Variants in RIMS2 observed in about 807,000 individuals in gnomAD.
The protein encoded by RIMS2 is regulating synaptic membrane exocytosis protein 2.
In RIMS2, 59 loss-of-function variants were observed where a neutral mutation model predicts 174.4. The observed-to-expected ratio is 0.34, with a 90% CI of 0.27 to 0.42. The LOEUF (loss-of-function observed/expected upper bound fraction) is 0.42. Among genes scored for constraint, RIMS2 ranks in the 10% least tolerant of loss-of-function variants. The pLI is 1.00. For missense variants in RIMS2, 1,620 were observed against 1,666.3 expected (o/e 0.97, Z 0.48); for synonymous variants, 606 against 572.5 (o/e 1.06, Z -0.84).
intron 10 of RIMS2, among the ~76,000 whole-genome samples, chr8:103,927,202 A>C (rs2078942190): frequency 6.6e-6 from 1 of 151,556 alleles, no homozygotes; most frequent in African/African-American, 2.4e-5. Context: ...AGTGATACAT[A>C]ATAAATATCT....
At chr8:103,544,493 A>T (rs1844037985) in intron 1 of RIMS2, among the ~76,000 whole-genome samples, 1 of 151,940 alleles carries the variant, frequency 6.6e-6, no homozygotes, top group South Asian at 2.1e-4. Context: ...GAGGGGAGCA[A>T]CCTCCTATTG....
intron 1 of RIMS2, among the ~76,000 whole-genome samples, chr8:103,605,915 C>A (rs1485791450): frequency 6.7e-6 from 1 of 149,216 alleles, no homozygotes; most frequent in African/African-American, 2.5e-5. Flanking sequence ...GTCTTGCTAG[C>A]AGTCTATCAA....
At chr8:103,850,667 A>G (rs2154492650) in intron 3 of RIMS2, among the ~76,000 whole-genome samples, 1 of 152,116 alleles carries the variant, frequency 6.6e-6, no homozygotes, top group South Asian at 2.1e-4. Context: ...ATGACTTTGT[A>G]CTTTTACCTT....
intron 14 of RIMS2, among the ~76,000 whole-genome samples, chr8:103,948,175 A>G (rs1479810525): frequency 2.0e-5 from 3 of 152,350 alleles, no homozygotes; most frequent in Non-Finnish European, 2.9e-5. Context: ...GTAATAAAAA[A>G]GAAAGATGAT....
At chr8:104,105,763 G>T (rs908529837) in intron 19 of RIMS2, among the ~76,000 whole-genome samples, 11 of 152,034 alleles carry the variant, frequency 7.2e-5, no homozygotes, top group African/African-American at 2.7e-4. Flanking sequence ...AGAAGGCTGG[G>T]CATGGTGGCT....
chr8:103,551,862 G>T (rs1848107661), intron 1 of RIMS2, among the ~76,000 whole-genome samples: 1 of 152,118 alleles, frequency 6.6e-6, no homozygotes, highest in Non-Finnish European at 1.5e-5. Context: ...TTGCTTCAAA[G>T]AGAATAAAAT....
At chr8:103,677,914 T>A (rs1307448394) in intron 1 of RIMS2, among the ~76,000 whole-genome samples, 1 of 152,232 alleles carries the variant, frequency 6.6e-6, no homozygotes, top group Non-Finnish European at 1.5e-5. Flanking sequence ...TCTGTATGTA[T>A]GTGTGTATGC....
intron 4 of RIMS2, among the ~76,000 whole-genome samples, chr8:103,896,162 C>T (rs1003783475): frequency 6.6e-6 from 1 of 151,502 alleles, no homozygotes; most frequent in African/African-American, 2.4e-5. Context: ...TCTGCTTCAC[C>T]CTTTGTTGGA....
intron 19 of RIMS2, among the ~76,000 whole-genome samples, chr8:104,114,308 T>A (rs544342454): frequency 6.6e-6 from 1 of 152,156 alleles, no homozygotes; most frequent in South Asian, 2.1e-4. Context: ...TTTCACTTGC[T>A]ATATACTAGT....
At chr8:103,900,843 C>G (rs1440852566) in intron 4 of RIMS2, among the ~76,000 whole-genome samples, 1 of 152,018 alleles carries the variant, frequency 6.6e-6, no homozygotes, top group Non-Finnish European at 1.5e-5. Context: ...TGGTTTAGAT[C>G]CAGAAACTAT....
At chr8:103,658,572 C>T (rs2096559258) in intron 1 of RIMS2, among the ~76,000 whole-genome samples, 1 of 152,064 alleles carries the variant, frequency 6.6e-6, no homozygotes, top group Non-Finnish European at 1.5e-5. Flanking sequence ...CTGGAAGCTT[C>T]TTAAGACTCC....
intron 23 of RIMS2, 35 bp from the exon 30 acceptor site, chr8:104,251,567 C>T (rs1399113302): frequency 9.2e-7 from 1 of 1,086,448 alleles, no homozygotes; most frequent in Admixed American, 1.7e-5. Context: ...TACACAGTTA[C>T]ACTGACATCA....
chr8:104,219,332 T>A (rs1158360545), intron 19 of RIMS2, among the ~76,000 whole-genome samples: 1 of 152,240 alleles, frequency 6.6e-6, no homozygotes, highest in Non-Finnish European at 1.5e-5. Flanking sequence ...TGTAATATGA[T>A]GTACAGGACA....
intron 3 of RIMS2, among the ~76,000 whole-genome samples, chr8:103,861,656 T>A (rs1475817363): frequency 6.6e-6 from 1 of 152,182 alleles, no homozygotes; most frequent in Non-Finnish European, 1.5e-5. Context: ...TTTTTGACTT[T>A]TTAATTATAA....
chr8:103,750,356 C>G (rs938273553), intron 2 of RIMS2, among the ~76,000 whole-genome samples: 1 of 152,110 alleles, frequency 6.6e-6, no homozygotes, highest in Non-Finnish European at 1.5e-5. Context: ...AATATACTAT[C>G]AGTTGACAGT....
intron 19 of RIMS2, among the ~76,000 whole-genome samples, chr8:104,155,846 C>T (rs13270802): frequency 0.26 from 39,344 of 151,944 alleles, 5,378 homozygotes; most frequent in South Asian, 0.43. Context: ...TCTTCATCAG[C>T]CCCCAATAAA....
intron 19 of RIMS2, among the ~76,000 whole-genome samples, chr8:104,027,696 A>G (rs1378022406): frequency 6.6e-6 from 1 of 152,206 alleles, no homozygotes; most frequent in Non-Finnish European, 1.5e-5. Context: ...AAATTGTAAC[A>G]TATTTCTCTC....
intron 3 of RIMS2, among the ~76,000 whole-genome samples, chr8:103,773,789 T>C (rs2098279809): frequency 6.6e-6 from 1 of 152,038 alleles, no homozygotes; most frequent in Non-Finnish European, 1.5e-5. Context: ...AATCCTACGA[T>C]TTAAAACAAC....
At chr8:103,882,410 G>A (rs985626683) in intron 3 of RIMS2, among the ~76,000 whole-genome samples, 25 of 151,616 alleles carry the variant, frequency 1.6e-4, no homozygotes, top group African/African-American at 6.0e-4. Flanking sequence ...ATAATTGATT[G>A]CAGGTTCTTC....
Sources: allele counts gnomAD v4.1 joint callset (sites outside exome capture counted in the v4.1 genomes callset), GRCh38; gene constraint gnomAD v4.1.1; transcripts MANE v1.5; gene names NCBI Gene and HGNC (gene_info 2026-07-23, HGNC 2026-07-21).